Variants in SGCD observed in about 807,000 individuals in gnomAD.
The protein encoded by SGCD is delta-sarcoglycan.
Under a neutral mutation model 36.6 loss-of-function variants are expected in SGCD, and 18 were observed. The ratio of observed to expected loss-of-function variants is 0.49; its 90% CI spans 0.34 to 0.73. The LOEUF is 0.73. Ranked by LOEUF, SGCD falls within the 30% of genes least tolerant of loss-of-function variation. The pLI, the probability that SGCD is intolerant of heterozygous loss-of-function variation, is 0.01. For synonymous variants in SGCD, 133 were observed against 130.6 expected, an observed-to-expected ratio of 1.02 and a Z score of -0.12; for missense variants, 387 against 346.7, an observed-to-expected ratio of 1.12 and a Z score of -0.92.
At position 156,062,644 on chromosome 5, in the gene SGCD, A is replaced by C. The variant is rs1324485288; in HGVS notation, c.-281-55234A>C. Among the ~76,000 whole-genome samples the C allele has an allele frequency of 2.7e-4, 8 of 29,904 alleles. No individual in the cohort carries two copies. In the East Asian group the frequency reaches 5.9e-3, roughly 22 times the overall value. The allele number at this position is 29,904 out of a possible 152,430, so 19.6% of individuals were successfully genotyped here. A position where few individuals can be genotyped will look rare whatever the true frequency, so the allele number is the denominator to read the frequency against. On this transcript the variant is annotated intron_variant, in intron 1 of 9. Coordinates refer to the SGCD transcript ENST00000517913. ...GCCATTCTAACTGGTGTGAGATGAT[A>C]TCTCATAGTGGTTTTGATTTGCATT...
upstream of SGCD, among the ~76,000 whole-genome samples, chr5:156,322,696 G>A (rs544525931): frequency 3.6e-3 from 544 of 152,308 alleles, 2 homozygotes; most frequent in Non-Finnish European, 5.7e-3. Context: ...TGTCCAGAAG[G>A]TGAGAACAGC....
At position 156,732,026 on chromosome 5, in the gene SGCD, G is replaced by A. The variant is rs115687884; in HGVS notation, c.576-25555G>A. 3.3e-3 allele frequency among the ~76,000 whole-genome samples: 506 copies of A among 152,210 alleles called. 5 individuals are homozygous for A. The highest frequency in any genetic ancestry group is 0.011 in the African/African-American group (467 of 41,554). On this transcript the variant is annotated intron_variant, in intron 7 of 8. Coordinates refer to ENST00000337851, the MANE Select transcript of SGCD (RefSeq NM_000337.6). ...TTTTGTATTCTGAAGTTGCTTCTCA[G>A]CTTAAGAAGCTTTTGGGCTAAGACC...
chr5:156,124,559 A>G (rs1762124018), intron 3 of SGCD, among the ~76,000 whole-genome samples: 1 of 152,194 alleles, frequency 6.6e-6, no homozygotes, highest in African/African-American at 2.4e-5. Flanking sequence ...AGTTCAAATG[A>G]TAATTATCAC....
chr5:156,756,977 A>G (rs1757358587), intron 7 of SGCD, among the ~76,000 whole-genome samples: 1 of 152,140 alleles, frequency 6.6e-6, no homozygotes, highest in Non-Finnish European at 1.5e-5. Context: ...TATATAATAC[A>G]TATTTGCATT....
chr5:156,026,989 A>C (rs2127574667), intron 1 of SGCD, among the ~76,000 whole-genome samples: 1 of 152,362 alleles, frequency 6.6e-6, no homozygotes, highest in South Asian at 2.1e-4. Context: ...AGTGGCAGGC[A>C]GGACTTGGTC....
intron 1 of SGCD, among the ~76,000 whole-genome samples, chr5:155,945,629 G>C (rs1561658838): frequency 6.6e-6 from 1 of 152,306 alleles, no homozygotes; most frequent in Non-Finnish European, 1.5e-5. Flanking sequence ...AGCAAGTGGA[G>C]TGTCCAAGCA....
intron 3 of SGCD, among the ~76,000 whole-genome samples, chr5:156,149,556 C>A (rs929835258): frequency 6.6e-6 from 1 of 152,180 alleles, no homozygotes; most frequent in Non-Finnish European, 1.5e-5. Flanking sequence ...ATGGGCTGCT[C>A]ACCTCTTCAG....
intron 3 of SGCD, among the ~76,000 whole-genome samples, chr5:156,437,113 C>G (rs1753277993): frequency 6.6e-6 from 1 of 152,092 alleles, no homozygotes; most frequent in African/African-American, 2.4e-5. Flanking sequence ...AGATTGAGTT[C>G]ATCCTGATTA....
chr5:156,132,622 C>A (rs2436330), intron 3 of SGCD, among the ~76,000 whole-genome samples: 14,458 of 151,006 alleles, frequency 0.096, 750 homozygotes, highest in South Asian at 0.15. Flanking sequence ...GCGCCCACCA[C>A]CACGCCCGGC....
the SGCD span, among the ~76,000 whole-genome samples, chr5:155,844,421 T>TTG: frequency 0.14 from 19,639 of 144,434 alleles, 1,348 homozygotes; most frequent in Middle Eastern, 0.17. Context: ...TGCTAAGGCT[T>TTG]TGTGTGTGTG....
At chr5:156,574,007 A>C (rs1759826620) in intron 4 of SGCD, among the ~76,000 whole-genome samples, 1 of 152,070 alleles carries the variant, frequency 6.6e-6, no homozygotes, top group African/African-American at 2.4e-5. Context: ...CCTGTTCTTT[A>C]ATACTAAATA....
intron 1 of SGCD, among the ~76,000 whole-genome samples, chr5:156,098,567 A>T (rs749720753): frequency 6.6e-5 from 10 of 151,748 alleles, no homozygotes; most frequent in Non-Finnish European, 1.5e-4. Flanking sequence ...TTTATTTTGG[A>T]ATTAAATGAG....
chr5:156,412,090 ATGTT>A (rs1226209478), intron 3 of SGCD, among the ~76,000 whole-genome samples: 1 of 152,192 alleles, frequency 6.6e-6, no homozygotes, highest in Non-Finnish European at 1.5e-5. Context: ...CCTTGATAGA[ATGTT>A]TGTTCCATCT....
At chr5:156,220,736 A>G (rs1764698134) in intron 3 of SGCD, among the ~76,000 whole-genome samples, 1 of 152,132 alleles carries the variant, frequency 6.6e-6, no homozygotes, top group Non-Finnish European at 1.5e-5. Flanking sequence ...TTGGCTACAT[A>G]TCAGCCCCTC....
chr5:156,691,911 A>G (rs192419001), intron 7 of SGCD, among the ~76,000 whole-genome samples: 1 of 152,236 alleles, frequency 6.6e-6, no homozygotes, highest in East Asian at 1.9e-4. Context: ...AATGCAAATC[A>G]GAGAAAAATA....
At chr5:155,997,568 A>G (rs923645263) in intron 1 of SGCD, among the ~76,000 whole-genome samples, 1 of 152,234 alleles carries the variant, frequency 6.6e-6, no homozygotes, top group Non-Finnish European at 1.5e-5. Context: ...AATGGATGGG[A>G]CATTGTTCCT....
intron 3 of SGCD, among the ~76,000 whole-genome samples, chr5:156,175,556 A>G (rs917557099): frequency 6.6e-6 from 1 of 152,338 alleles, no homozygotes; most frequent in South Asian, 2.1e-4. Context: ...AATATTATGC[A>G]AAGTATAATA....
chr5:156,370,309 T>TA (rs1204883850), intron 3 of SGCD, among the ~76,000 whole-genome samples: 5 of 152,166 alleles, frequency 3.3e-5, no homozygotes, highest in African/African-American at 1.2e-4. Flanking sequence ...CAACAGGCGA[T>TA]ACATGTTGCT....
intron 3 of SGCD, among the ~76,000 whole-genome samples, chr5:156,504,817 G>T (rs1216265049): frequency 6.6e-6 from 1 of 152,208 alleles, no homozygotes; most frequent in Non-Finnish European, 1.5e-5. Context: ...ATATATGTAA[G>T]TAGTGTAAGA....
Sources: allele counts gnomAD v4.1 joint callset (sites outside exome capture counted in the v4.1 genomes callset), GRCh38; gene constraint gnomAD v4.1.1; transcripts MANE v1.5; gene names NCBI Gene and HGNC (gene_info 2026-07-23, HGNC 2026-07-21).